ANKHD1: variants seen among roughly 807,000 people sequenced by gnomAD.
ANKHD1 encodes the protein ankyrin repeat and KH domain containing 1, also known as ankyrin repeat and KH domain-containing protein 1.
A neutral mutation model predicts 230.5 loss-of-function variants in ANKHD1; 31 were observed. The ratio of observed to expected loss-of-function variants is 0.13; its 90% CI spans 0.10 to 0.18. The LOEUF (loss-of-function observed/expected upper bound fraction) is 0.18, where lower values mean the gene tolerates loss of function less well. ANKHD1 is among the 10% of genes least tolerant of loss of function. The probability of loss-of-function intolerance (pLI) is 1.00; values close to 1 mark genes in which losing one functional copy is unlikely to be tolerated. For missense variants in ANKHD1, 2,256 were observed against 3,071.3 expected (o/e 0.73, Z 6.27); for synonymous variants, 1,074 against 1,117.6 (o/e 0.96, Z 0.78).
intron 2 of ANKHD1, among the ~76,000 whole-genome samples, chr5:140,437,039 C>A (rs1561718827): frequency 6.6e-6 from 1 of 152,128 alleles, no homozygotes. Context: ...TTTACATATA[C>A]TTCTAGACTT....
rs556066698 is a variant in ANKHD1, at chr5:140,465,679, T to C, written c.1782+903T>C. ...ACCTGAGAACATTATTGGAAAATAA[T>C]TATTAACCAAAATAAATGTGTAGTA... On this transcript the variant is annotated intron_variant, in intron 10 of 33. Coordinates refer to ENST00000360839, the MANE Select transcript of ANKHD1 (RefSeq NM_017747.3). 5.3e-5 allele frequency among the ~76,000 whole-genome samples: 8 copies of C among 152,354 alleles called. No individual in the cohort carries two copies. In the South Asian group the frequency reaches 1.7e-3, roughly 32 times the overall value.
In ANKHD1 at chr5:140,510,036, T is replaced by C. The variant is rs1752691142; in HGVS notation, c.3959T>C (p.Val1320Ala). 6.2e-7 allele frequency: 1 copy of C among 1,613,414 alleles called. No individual in the cohort carries two copies. Among genetic ancestry groups the C allele is most frequent in the Admixed American group, 1.7e-5 (1 of 59,916 alleles). Reference sequence around the variant, plus strand: ...GTTTACAGGGGAGCCCACATTGATGTTCGTAACAAAAAGGGAAATACGCCA... The same window carrying C: ...GTTTACAGGGGAGCCCACATTGATGCTCGTAACAAAAAGGGAAATACGCCA... Reference protein sequence around the residue: ...LLIHRGAHIDVRNKKGNTPLW... With the variant: ...LLIHRGAHIDARNKKGNTPLW... The change falls in exon 22 of 34, where the codon GTT (valine) becomes GCT (alanine). Residue 1320 changes from valine to alanine, a missense_variant. Around this residue, in one of 13 missense-constraint regions of ANKHD1, gnomAD observed 195 missense variants for 340.3 expected, o/e 0.57. Coordinates refer to ENST00000360839, the MANE Select transcript of ANKHD1 (RefSeq NM_017747.3).
intron 10 of ANKHD1, among the ~76,000 whole-genome samples, chr5:140,470,989 T>C (rs1356849885): frequency 6.6e-6 from 1 of 152,106 alleles, no homozygotes; most frequent in African/African-American, 2.4e-5. Context: ...TCTGCAAAGC[T>C]TGGGACCAGA....
At chr5:140,522,218 T>G (rs1753382084) in intron 24 of ANKHD1, among the ~76,000 whole-genome samples, 1 of 152,238 alleles carries the variant, frequency 6.6e-6, no homozygotes, top group Non-Finnish European at 1.5e-5. Context: ...CATATAATAT[T>G]TGGTCTTTTG....
chr5:140,505,352 G>A lies in ANKHD1; in HGVS notation c.3262+119G>A, dbSNP rs763874305. ...TGATAAGATGGATAAGTATATTTCA[G>A]TTAGGAATATCTGGATTCATTATTC... On this transcript the variant is annotated intron_variant, in intron 17 of 33. Coordinates refer to ENST00000360839, the MANE Select transcript of ANKHD1 (RefSeq NM_017747.3). 312 of 1,163,744 alleles carry A rather than the reference G, an allele frequency of 2.7e-4. 1 individual carries two copies. Among genetic ancestry groups the A allele is most frequent in the Non-Finnish European group, 3.5e-4 (290 of 827,692 alleles). The allele number at this position is 1,163,744 out of a possible 1,614,324, so 72.1% of individuals were successfully genotyped here.
At chr5:140,519,856 A>T (rs1295461977) in intron 24 of ANKHD1, among the ~76,000 whole-genome samples, 6 of 152,046 alleles carry the variant, frequency 3.9e-5, no homozygotes, top group Non-Finnish European at 1.5e-5. Flanking sequence ...ACCATTCAGG[A>T]CATAGGCATG....
At position 140,529,759 on chromosome 5, in the gene ANKHD1, C is replaced by T. The variant is rs1412715055; in HGVS notation, c.6813C>T (p.Phe2271=). ...CTGATAACTCAAAGGCACCTGGCTT[C>T]AGACCACCTTCCCAGCGAGTTTCTA... ...MHPDNSKAPG[F]RPPSQRVSTS... Residue 2271 remains phenylalanine, a synonymous_variant, in exon 29 of 34, where the codon TTC becomes TTT. Transcript: ENST00000360839. The T allele has an allele frequency of 6.2e-7, 1 of 1,614,160 alleles. No individual in the cohort carries two copies. Among genetic ancestry groups the T allele is most frequent in the East Asian group, 2.2e-5 (1 of 44,886 alleles).
intron 10 of ANKHD1, among the ~76,000 whole-genome samples, chr5:140,468,969 C>T (rs1554089341): frequency 6.6e-6 from 1 of 152,108 alleles, no homozygotes; most frequent in Non-Finnish European, 1.5e-5. Context: ...AGGTCCACAT[C>T]TGAAATTTTG....
intron 10 of ANKHD1, among the ~76,000 whole-genome samples, chr5:140,469,134 C>G (rs1480435651): frequency 6.6e-6 from 1 of 151,826 alleles, no homozygotes; most frequent in Non-Finnish European, 1.5e-5. Context: ...CTCCCACCCT[C>G]CTTCCTTCTT....
At chr5:140,491,160 A>ATATATATTTT (rs1282293062) in intron 14 of ANKHD1, among the ~76,000 whole-genome samples, 3 of 45,660 alleles carry the variant, frequency 6.6e-5, no homozygotes, top group African/African-American at 1.9e-4. Context: ...ATATATATAT[A>ATATATATTTT]TTTTTTTTTT....
chr5:140,497,386 T>C (rs756422243), intron 15 of ANKHD1, 108 bp downstream of exon 15: 122 of 1,459,346 alleles, frequency 8.4e-5, no homozygotes, highest in Non-Finnish European at 1.0e-4. Context: ...TTTAGAACTT[T>C]GTAAAATTAC....
At position 140,505,801 on chromosome 5, in the gene ANKHD1, A is replaced by C; in HGVS notation, c.3340A>C (p.Ile1114Leu). 6.2e-7 allele frequency: 1 copy of C among 1,613,084 alleles called. No individual in the cohort carries two copies. The highest frequency in any genetic ancestry group is 1.1e-5 in the South Asian group (1 of 90,932). Residue 1114 changes from isoleucine (I) to leucine (L), a missense_variant, in exon 18 of 34, where the codon ATA becomes CTA. By Grantham distance (5) the Ile-to-Leu change is conservative. Transcript: ENST00000360839. ...VEILLDKGGD[I>L]EAQSERTKDT... is the part of the protein sequence containing the mutation. Reference sequence around the variant, plus strand: ...AATCCTTTTGGATAAAGGTGGAGATATAGAAGCACAGTCTGAACGAACTAA... The same window carrying C: ...AATCCTTTTGGATAAAGGTGGAGATCTAGAAGCACAGTCTGAACGAACTAA...
chr5:140,440,915 C>A, intron 4 of ANKHD1, 80 bp from the exon 5 acceptor site: 2 of 1,358,442 alleles, frequency 1.5e-6, no homozygotes, highest in Admixed American at 3.0e-5. Context: ...AGAATATCTT[C>A]AGAGATTCAG....
intron 2 of ANKHD1, among the ~76,000 whole-genome samples, chr5:140,437,073 C>T (rs1302533120): frequency 6.6e-6 from 1 of 152,114 alleles, no homozygotes; most frequent in Non-Finnish European, 1.5e-5. Flanking sequence ...AATATAAATA[C>T]ATGTATATGT....
At chr5:140,418,132 G>A (rs998476055) in intron 1 of ANKHD1, among the ~76,000 whole-genome samples, 5 of 149,966 alleles carry the variant, frequency 3.3e-5, no homozygotes, top group African/African-American at 4.9e-5. Flanking sequence ...GTGAGCCACC[G>A]GGTCCAGCCT....
At position 140,527,237 on chromosome 5, in the gene ANKHD1, G is replaced by A; in HGVS notation, c.5087+163G>A. On this transcript the variant is annotated intron_variant, in intron 27 of 33. Coordinates refer to ENST00000360839, the MANE Select transcript of ANKHD1 (RefSeq NM_017747.3). The surrounding 1 kb of genome is among the most constrained non-coding windows in gnomAD (Gnocchi z 4.5). Reference sequence around the variant, plus strand: ...GCTAAAGCAAAATTAGAAGCAGTATGTAAATTTTGCATGCATATTTTATAT... The same window carrying A: ...GCTAAAGCAAAATTAGAAGCAGTATATAAATTTTGCATGCATATTTTATAT... 1 of 1,184,202 alleles carries A rather than the reference G, an allele frequency of 8.4e-7. No homozygotes were observed. The highest frequency in any genetic ancestry group is 2.5e-5 in the South Asian group (1 of 40,632). 73.4% of individuals were successfully genotyped at this position (1,184,202 alleles called of 1,614,324 possible).
intron 24 of ANKHD1, among the ~76,000 whole-genome samples, chr5:140,516,482 C>CACAT: frequency 6.6e-6 from 1 of 152,116 alleles, no homozygotes; most frequent in South Asian, 2.1e-4. Flanking sequence ...GACTCCAAGA[C>CACAT]ACATAATTGT....
chr5:140,463,438 A>G (rs1370150868), intron 9 of ANKHD1, among the ~76,000 whole-genome samples: 3 of 152,110 alleles, frequency 2.0e-5, no homozygotes, highest in African/African-American at 7.2e-5. Context: ...CCCTAATTTC[A>G]TTATTTAGTA....
chr5:140,539,220 A>G (rs1328854845), intron 33 of ANKHD1, 137 bp downstream of exon 33: 1 of 1,524,502 alleles, frequency 6.6e-7, no homozygotes, highest in Non-Finnish European at 8.8e-7. Context: ...TATCAAGATG[A>G]TGCTACTGAA....
Sources: gnomAD v4.1 joint callset for allele counts (sites outside exome capture counted in the v4.1 genomes callset) on GRCh38, gnomAD v4.1.1 for gene constraint, gnomAD v4.1.1 regional missense constraint, Gnocchi (gnomAD v3.1) non-coding constraint, MANE v1.5 for transcripts, NCBI Gene and HGNC (gene_info 2026-07-23, HGNC 2026-07-21) for gene names.